The following ARHGAP15 variants were observed in gnomAD, a reference collection of about 807,000 sequenced individuals.
ARHGAP15 encodes Rho GTPase activating protein 15.
A neutral mutation model predicts 63.7 loss-of-function variants in ARHGAP15; 51 were observed. The observed-to-expected ratio is 0.80, with a 90% CI of 0.64 to 1.01. The LOEUF (loss-of-function observed/expected upper bound fraction) is 1.01. ARHGAP15 is among the 50% of genes least tolerant of loss of function. ARHGAP15 has a pLI of 0.00. For missense variants in ARHGAP15, 560 were observed against 564.6 expected, an observed-to-expected ratio of 0.99 and a Z score of 0.08; for synonymous variants, 191 against 193.8, an observed-to-expected ratio of 0.99 and a Z score of 0.12.
intron 11 of ARHGAP15, among the ~76,000 whole-genome samples, chr2:143,619,371 T>C (rs1046457515): frequency 1.3e-5 from 2 of 152,202 alleles, no homozygotes; most frequent in African/African-American, 4.8e-5. Context: ...AGGTTGTGTG[T>C]GTGTGTATGT....
chr2:143,742,317 G>C (rs1033627068), intron 13 of ARHGAP15, among the ~76,000 whole-genome samples: 10 of 152,194 alleles, frequency 6.6e-5, no homozygotes, highest in Non-Finnish European at 1.2e-4. Flanking sequence ...CATTTCCCAC[G>C]TGACTGCAGA....
At chr2:143,727,159 T>C (rs1259239036) in intron 13 of ARHGAP15, among the ~76,000 whole-genome samples, 1 of 152,164 alleles carries the variant, frequency 6.6e-6, no homozygotes, top group Non-Finnish European at 1.5e-5. Context: ...AGAATATTGA[T>C]AGGGTAGAGG....
intron 6 of ARHGAP15, among the ~76,000 whole-genome samples, chr2:143,323,896 A>G (rs1684133966): frequency 2.9e-5 from 3 of 103,488 alleles, no homozygotes; most frequent in Non-Finnish European, 6.3e-5. Flanking sequence ...CTCCGTCTCA[A>G]AAAAAAAAAA....
intron 6 of ARHGAP15, among the ~76,000 whole-genome samples, chr2:143,394,587 A>ACCT: frequency 2.6e-5 from 4 of 152,298 alleles, no homozygotes; most frequent in African/African-American, 9.6e-5. Context: ...TTTAATGACT[A>ACCT]GTACTGTCTT....
chr2:143,502,953 C>T (rs1294152500), intron 9 of ARHGAP15, among the ~76,000 whole-genome samples: 2 of 152,124 alleles, frequency 1.3e-5, no homozygotes, highest in Admixed American at 1.3e-4. Flanking sequence ...TGTTGAGCTT[C>T]AGTTTCATTT....
intron 6 of ARHGAP15, among the ~76,000 whole-genome samples, chr2:143,374,712 A>T (rs921847746): frequency 2.6e-5 from 4 of 152,248 alleles, no homozygotes; most frequent in African/African-American, 9.6e-5. Context: ...TGTGTTGTCC[A>T]GGCTGGTCTC....
At chr2:143,326,459 A>G (rs1224519902) in intron 6 of ARHGAP15, among the ~76,000 whole-genome samples, 1 of 152,216 alleles carries the variant, frequency 6.6e-6, no homozygotes, top group Non-Finnish European at 1.5e-5. Context: ...AGCACTATTG[A>G]GAAAGAATGA....
chr2:143,393,967 C>T (rs1316666013), intron 6 of ARHGAP15, among the ~76,000 whole-genome samples: 1 of 152,046 alleles, frequency 6.6e-6, no homozygotes, highest in Non-Finnish European at 1.5e-5. Context: ...GGATGGAACC[C>T]CCAACAGGGC....
At chr2:143,383,665 G>A (rs184200977) in intron 6 of ARHGAP15, among the ~76,000 whole-genome samples, 131 of 152,206 alleles carry the variant, frequency 8.6e-4, no homozygotes, top group Non-Finnish European at 1.9e-4. Flanking sequence ...GTTGATTCAG[G>A]AAACTGTAGA....
chr2:143,253,200 ATC>A (rs539290883), intron 6 of ARHGAP15, among the ~76,000 whole-genome samples: 70 of 151,760 alleles, frequency 4.6e-4, no homozygotes, highest in African/African-American at 1.6e-3. Context: ...AAAATTTGAA[ATC>A]TGTCTTTAAA....
intron 6 of ARHGAP15, among the ~76,000 whole-genome samples, chr2:143,308,609 C>A (rs754774729): frequency 5.9e-5 from 9 of 151,796 alleles, no homozygotes; most frequent in Non-Finnish European, 1.0e-4. Context: ...TTGTTTTAAG[C>A]AAGAATATGA....
intron 12 of ARHGAP15, among the ~76,000 whole-genome samples, chr2:143,673,784 A>ATGTATATATATATGTATATAT (rs71404481): frequency 8.8e-6 from 1 of 114,200 alleles, no homozygotes; most frequent in African/African-American, 2.9e-5. Context: ...ATATATATAT[A>ATGTATATATATATGTATATAT]AACAACTCCT....
At chr2:143,588,036 C>G (rs911232863) in intron 11 of ARHGAP15, among the ~76,000 whole-genome samples, 1 of 152,104 alleles carries the variant, frequency 6.6e-6, no homozygotes, top group East Asian at 1.9e-4. Context: ...TCCTTCTTTC[C>G]AAACAGCTTA....
intron 13 of ARHGAP15, among the ~76,000 whole-genome samples, chr2:143,728,566 ATTC>A (rs1299866239): frequency 2.0e-5 from 3 of 152,196 alleles, no homozygotes; most frequent in African/African-American, 7.2e-5. Context: ...AGTCTGGAGT[ATTC>A]TTCTAGTATG....
intron 6 of ARHGAP15, among the ~76,000 whole-genome samples, chr2:143,262,384 G>C (rs1182367252): frequency 6.6e-6 from 1 of 151,964 alleles, no homozygotes; most frequent in African/African-American, 2.4e-5. Context: ...CTCCTCCACT[G>C]CAACTGTGTA....
rs1283994250 is a variant in ARHGAP15 at position 143,225,778 on chromosome 2, CT to C, written c.297-2800del. Among the ~76,000 whole-genome samples, 7 of 152,232 alleles carry C rather than the reference CT, an allele frequency of 4.6e-5. No homozygotes were observed. The East Asian group carries it at 1.3e-3, about 29-fold the overall frequency. Reference sequence around the variant, plus strand: ...ATATTAGTAAATAGAGATGTTAGTACTTTCATCATTTTTGTGTATGAAGCTA... The same window carrying C: ...ATATTAGTAAATAGAGATGTTAGTACTTCATCATTTTTGTGTATGAAGCTA... On this transcript the variant is annotated intron_variant, in intron 4 of 13. Coordinates refer to ENST00000295095, the MANE Select transcript of ARHGAP15 (RefSeq NM_018460.4).
intron 12 of ARHGAP15, among the ~76,000 whole-genome samples, chr2:143,695,319 TA>T (rs1683794311): frequency 6.6e-6 from 1 of 152,184 alleles, no homozygotes; most frequent in Non-Finnish European, 1.5e-5. Context: ...TACAGAAATG[TA>T]CTTGGCCACC....
At chr2:143,371,215 A>C (rs1230210494) in intron 6 of ARHGAP15, among the ~76,000 whole-genome samples, 3 of 152,230 alleles carry the variant, frequency 2.0e-5, no homozygotes, top group Admixed American at 2.0e-4. Flanking sequence ...GGTTTGTTAC[A>C]TAGGTATACG....
intron 12 of ARHGAP15, chr2:143,656,211 G>A (rs1357285366): frequency 2.0e-5 from 3 of 152,080 alleles, no homozygotes; most frequent in Non-Finnish European, 4.4e-5. Flanking sequence ...ACCACAAATG[G>A]CTGAAAGTGT....
Sources: gnomAD v4.1 joint callset for allele counts (sites outside exome capture counted in the v4.1 genomes callset) on GRCh38, gnomAD v4.1.1 for gene constraint, MANE v1.5 for transcripts, NCBI Gene and HGNC (gene_info 2026-07-23, HGNC 2026-07-21) for gene names.